The following SGCZ variants were observed in gnomAD, a reference collection of about 807,000 sequenced individuals.
SGCZ encodes the protein sarcoglycan zeta.
A neutral mutation model predicts 41.3 loss-of-function variants in SGCZ; 40 were observed. The observed-to-expected ratio is 0.97, with a 90% CI of 0.75 to 1.26. The LOEUF (loss-of-function observed/expected upper bound fraction) is 1.26. Among genes scored for constraint, SGCZ ranks in the 50% most tolerant of loss-of-function variants. The probability of loss-of-function intolerance (pLI) is 0.00; values close to 1 mark genes in which losing one functional copy is unlikely to be tolerated. For synonymous variants in SGCZ, 206 were observed against 137.5 expected (o/e 1.50, Z -3.49); for missense variants, 552 against 369.8 (o/e 1.49, Z -4.04).
At chr8:15,191,063 C>T (rs11777315) in intron 1 of SGCZ, among the ~76,000 whole-genome samples, 51,361 of 151,774 alleles carry the variant, frequency 0.34, 11,216 homozygotes, top group Non-Finnish European at 0.46. Flanking sequence ...ATAAAAACTC[C>T]CCAATATACT....
chr8:15,194,245 G>A (rs1001084968), intron 1 of SGCZ, among the ~76,000 whole-genome samples: 1 of 147,820 alleles, frequency 6.8e-6, no homozygotes, highest in South Asian at 2.1e-4. Flanking sequence ...CCTCCCTTTG[G>A]TATAACTCAT....
chr8:14,551,506 AT>A (rs1229511235), intron 2 of SGCZ, among the ~76,000 whole-genome samples: 127 of 9,044 alleles, frequency 0.014, 14 homozygotes, highest in African/African-American at 0.06. Context: ...TATTATATAT[AT>A]TATATATATT....
intron 5 of SGCZ, among the ~76,000 whole-genome samples, chr8:14,149,921 G>A (rs1467326019): frequency 1.3e-5 from 2 of 152,042 alleles, no homozygotes; most frequent in Non-Finnish European, 2.9e-5. Flanking sequence ...AACATACAAT[G>A]GAGAAAAGAC....
chr8:15,156,662 G>A (rs75016533), intron 1 of SGCZ, among the ~76,000 whole-genome samples: 3,171 of 151,812 alleles, frequency 0.021, 93 homozygotes, highest in African/African-American at 0.073. Context: ...AGCACTTCTC[G>A]GCCAGGCGCG....
intron 1 of SGCZ, among the ~76,000 whole-genome samples, chr8:14,921,104 T>A (rs1799576612): frequency 6.6e-6 from 1 of 152,190 alleles, no homozygotes; most frequent in Non-Finnish European, 1.5e-5. Flanking sequence ...CTTCAGAGCT[T>A]GCAGTGGAGT....
At chr8:14,864,216 A>G (rs1458759729) in intron 1 of SGCZ, among the ~76,000 whole-genome samples, 1 of 152,068 alleles carries the variant, frequency 6.6e-6, no homozygotes, top group East Asian at 1.9e-4. Flanking sequence ...CTCCACTTTC[A>G]TGACACTTCC....
rs949012494 is a variant in SGCZ, at chr8:14,760,806, A to G, written c.40-205880T>C. 2.1e-4 allele frequency among the ~76,000 whole-genome samples: 32 copies of G among 152,294 alleles called. 1 individual carries two copies. Among genetic ancestry groups the G allele is most frequent in the African/African-American group, 7.5e-4 (31 of 41,558 alleles). On this transcript the variant is annotated intron_variant, in intron 1 of 7. Transcript: ENST00000382080. ...AATATCTGGGCCCTACTTATACTAA[A>G]AAGTTTATTTGTTGTTCATTTGAAA...
At chr8:14,100,225 C>T (rs1211917679) in intron 7 of SGCZ, among the ~76,000 whole-genome samples, 1 of 151,156 alleles carries the variant, frequency 6.6e-6, no homozygotes, top group East Asian at 1.9e-4. Context: ...GATTTATTTA[C>T]AGCACAATAC....
At chr8:14,626,110 T>C (rs1806445328) in intron 1 of SGCZ, among the ~76,000 whole-genome samples, 1 of 152,162 alleles carries the variant, frequency 6.6e-6, no homozygotes, top group Non-Finnish European at 1.5e-5. Flanking sequence ...AACACAGAGT[T>C]ATATCTTCTT....
chr8:15,169,127 T>G (rs559192878), intron 1 of SGCZ, among the ~76,000 whole-genome samples: 1 of 152,308 alleles, frequency 6.6e-6, no homozygotes, highest in African/African-American at 2.4e-5. Context: ...TGGGAACCCT[T>G]AAATAGGCCT....
At chr8:14,363,338 G>C (rs754526350) in intron 2 of SGCZ, among the ~76,000 whole-genome samples, 5 of 152,096 alleles carry the variant, frequency 3.3e-5, no homozygotes, top group Non-Finnish European at 5.9e-5. Flanking sequence ...TTCAGACTGA[G>C]ACTAGACTAC....
chr8:14,699,415 T>A (rs958239957), intron 1 of SGCZ, among the ~76,000 whole-genome samples: 1 of 151,766 alleles, frequency 6.6e-6, no homozygotes, highest in Non-Finnish European at 1.5e-5. Flanking sequence ...GACTACCATA[T>A]GCAGTAGATT....
intron 1 of SGCZ, among the ~76,000 whole-genome samples, chr8:14,945,184 C>A (rs1345036166): frequency 6.6e-6 from 1 of 151,114 alleles, no homozygotes; most frequent in Non-Finnish European, 1.5e-5. Context: ...TGGGCGGGGA[C>A]AGAGTAATCC....
chr8:14,347,457 T>C (rs1802928059), intron 2 of SGCZ, among the ~76,000 whole-genome samples: 1 of 152,108 alleles, frequency 6.6e-6, no homozygotes, highest in South Asian at 2.1e-4. Context: ...GTTATGTTCT[T>C]CAGGAAATTG....
chr8:14,755,447 G>A (rs556512485), intron 1 of SGCZ, among the ~76,000 whole-genome samples: 1 of 152,052 alleles, frequency 6.6e-6, no homozygotes, highest in East Asian at 1.9e-4. Context: ...CATAAAACGC[G>A]GGAAAACTCC....
At position 15,222,444 on chromosome 8, in the gene SGCZ, G is replaced by GA. The variant is rs78163653; in HGVS notation, c.39+15140dup. ...TGTCATGGAAAATATTCCTGCCTAT[G>GA]AAAAAAAAACACCCCTGGAAGGACC... is the stretch of plus-strand genomic sequence containing the variant. On this transcript the variant is annotated intron_variant, in intron 1 of 7. Coordinates refer to ENST00000382080, the MANE Select transcript of SGCZ (RefSeq NM_139167.4). Among the ~76,000 whole-genome samples, 2,869 of 149,476 alleles carry GA rather than the reference G, an allele frequency of 0.019. 169 individuals are homozygous for GA. In the East Asian group the frequency reaches 0.2, roughly 11 times the overall value.
intron 1 of SGCZ, among the ~76,000 whole-genome samples, chr8:14,637,487 G>C (rs1280299176): frequency 4.6e-5 from 7 of 151,588 alleles, no homozygotes; most frequent in Non-Finnish European, 4.4e-5. Context: ...CCTGCCTCTA[G>C]CAGTCACCAG....
At chr8:14,669,690 G>GTATA (rs1182600670) in intron 1 of SGCZ, among the ~76,000 whole-genome samples, 2 of 68,514 alleles carry the variant, frequency 2.9e-5, no homozygotes, top group African/African-American at 1.1e-4. Flanking sequence ...TCCATTTTGT[G>GTATA]TATACACACA....
chr8:14,342,543 C>T (rs539905710), intron 2 of SGCZ, among the ~76,000 whole-genome samples: 114 of 152,208 alleles, frequency 7.5e-4, no homozygotes, highest in Admixed American at 2.4e-3. Flanking sequence ...TCTCGATCTC[C>T]TGAACTGGTG....
Sources: gnomAD v4.1 joint callset for allele counts (sites outside exome capture counted in the v4.1 genomes callset) on GRCh38, gnomAD v4.1.1 for gene constraint, MANE v1.5 for transcripts, NCBI Gene and HGNC (gene_info 2026-07-23, HGNC 2026-07-21) for gene names.